Variants in PRKG1 observed in about 807,000 individuals in gnomAD.
The protein encoded by PRKG1 is protein kinase cGMP-dependent 1.
In PRKG1, 35 loss-of-function variants were observed where a neutral mutation model predicts 88.1. The observed-to-expected ratio is 0.40, with a 90% CI of 0.30 to 0.53. The LOEUF is 0.53. Among genes scored for constraint, PRKG1 ranks in the 20% least tolerant of loss-of-function variants. The probability of loss-of-function intolerance (pLI) is 0.59; values close to 1 mark genes in which losing one functional copy is unlikely to be tolerated. For missense variants in PRKG1, 540 were observed against 839.8 expected (o/e 0.64, Z 4.41); for synonymous variants, 303 against 292.5 (o/e 1.04, Z -0.37).
In PRKG1 at chr10:51,651,130, T is replaced by C. The variant is rs148633970; in HGVS notation, c.593-153455T>C. 3.5e-3 allele frequency among the ~76,000 whole-genome samples: 531 copies of C among 152,272 alleles called. 3 individuals are homozygous for C. The highest frequency in any genetic ancestry group is 0.012 in the African/African-American group (515 of 41,552). On this transcript the variant is annotated intron_variant, in intron 3 of 17. Transcript: ENST00000373980. ...AAACTAAGAATCAAACACCTCAGAATATCAATACTATACTGATTATACCAC... is the reference window on the plus strand; with the variant it reads ...AAACTAAGAATCAAACACCTCAGAACATCAATACTATACTGATTATACCAC...
intron 6 of PRKG1, among the ~76,000 whole-genome samples, chr10:52,061,625 C>T (rs1846237664): frequency 6.6e-6 from 1 of 152,088 alleles, no homozygotes; most frequent in African/African-American, 2.4e-5. Flanking sequence ...AGTAATGACA[C>T]ATTCTGTTAA....
intron 3 of PRKG1, among the ~76,000 whole-genome samples, chr10:51,481,492 G>A (rs1004320218): frequency 3.9e-5 from 6 of 151,976 alleles, no homozygotes; most frequent in Non-Finnish European, 7.4e-5. Flanking sequence ...CAGATGATCC[G>A]CCCTCCCTGG....
chr10:52,100,952 ATG>A (rs1210202387), intron 7 of PRKG1, among the ~76,000 whole-genome samples: 2 of 152,190 alleles, frequency 1.3e-5, no homozygotes, highest in Non-Finnish European at 2.9e-5. Flanking sequence ...GTTGCCCAGA[ATG>A]TGTTCATTAG....
At chr10:51,960,828 T>C (rs1190174610) in intron 5 of PRKG1, among the ~76,000 whole-genome samples, 2 of 152,182 alleles carry the variant, frequency 1.3e-5, no homozygotes, top group African/African-American at 4.8e-5. Flanking sequence ...AGTTCGTGGT[T>C]CTGCCAACAA....
chr10:52,143,358 G>A (rs898065362), intron 8 of PRKG1, among the ~76,000 whole-genome samples: 2 of 152,106 alleles, frequency 1.3e-5, no homozygotes, highest in Non-Finnish European at 1.5e-5. Context: ...TACAAAGTAG[G>A]ATGTTTGGCA....
At chr10:51,195,883 G>A (rs1473361334) in intron 2 of PRKG1, among the ~76,000 whole-genome samples, 1 of 152,128 alleles carries the variant, frequency 6.6e-6, no homozygotes, top group African/African-American at 2.4e-5. Context: ...GATATGAGCT[G>A]GAGATTCCAG....
rs57320165 is a variant in PRKG1 at position 51,899,671 on chromosome 10, GTATATATA to G, written c.699-7819_699-7812del. ...AGAGTCTGTCAAAAAAAAGAAAAATGTATATATATATATATATATATATACAAATTTCT... is the reference window on the plus strand; with the variant it reads ...AGAGTCTGTCAAAAAAAAGAAAAATGTATATATATATATATACAAATTTCT... On this transcript the variant is annotated intron_variant, in intron 4 of 17. Transcript: ENST00000373980. Among the ~76,000 whole-genome samples, 15 of 120,394 alleles carry G rather than the reference GTATATATA, an allele frequency of 1.2e-4. 2 individuals are homozygous for G. The South Asian group carries it at 1.3e-3, about 11-fold the overall frequency. The allele number at this position is 120,394 out of a possible 152,430, so 79.0% of individuals were successfully genotyped here. A position where few individuals can be genotyped will look rare whatever the true frequency, so the allele number is the denominator to read the frequency against.
At chr10:51,570,764 A>T (rs1837732092) in intron 3 of PRKG1, among the ~76,000 whole-genome samples, 1 of 151,904 alleles carries the variant, frequency 6.6e-6, no homozygotes, top group East Asian at 1.9e-4. Flanking sequence ...ATTGATGTAT[A>T]GGGTGTGAAA....
chr10:51,491,122 A>G, intron 3 of PRKG1, among the ~76,000 whole-genome samples: 1 of 152,038 alleles, frequency 6.6e-6, no homozygotes, highest in East Asian at 1.9e-4. Context: ...GATATGTATA[A>G]TAGGGTCATT....
In PRKG1 at chr10:52,231,731, G is replaced by A. The variant is rs963128449; in HGVS notation, c.1077-19839G>A. ...AAATGTATTTCCTAAACGCACATGA[G>A]AATATATGTTAGCAGCCTGAAACCT... On this transcript the variant is annotated intron_variant, in intron 9 of 17. Transcript: ENST00000373980. Among the ~76,000 whole-genome samples, 4 of 152,148 alleles carry A rather than the reference G, an allele frequency of 2.6e-5. No homozygotes were observed. In the East Asian group the frequency reaches 5.8e-4, roughly 22 times the overall value.
At chr10:51,088,372 T>A (rs945916791) in intron 1 of PRKG1, among the ~76,000 whole-genome samples, 1 of 149,634 alleles carries the variant, frequency 6.7e-6, no homozygotes, top group African/African-American at 2.5e-5. Context: ...TTAATAAAAA[T>A]TTCTATGGAT....
intron 3 of PRKG1, among the ~76,000 whole-genome samples, chr10:51,753,642 G>T (rs779780626): frequency 7.2e-5 from 11 of 152,140 alleles, no homozygotes; most frequent in Non-Finnish European, 1.5e-4. Flanking sequence ...CTTGTTCATA[G>T]TAAGCCTTTA....
chr10:51,354,098 T>C (rs531533685), intron 2 of PRKG1, among the ~76,000 whole-genome samples: 3 of 151,870 alleles, frequency 2.0e-5, no homozygotes, highest in South Asian at 2.1e-4. Context: ...AATATCAAAA[T>C]ATCCAAACTA....
intron 3 of PRKG1, among the ~76,000 whole-genome samples, chr10:51,650,956 G>A (rs544237629): frequency 6.6e-5 from 10 of 152,228 alleles, no homozygotes; most frequent in African/African-American, 2.2e-4. Flanking sequence ...TCTCAACTGG[G>A]GGCGATTGTA....
intron 2 of PRKG1, among the ~76,000 whole-genome samples, chr10:51,257,767 C>T (rs778123091): frequency 6.6e-6 from 1 of 152,108 alleles, no homozygotes; most frequent in Non-Finnish European, 1.5e-5. Flanking sequence ...TTCCACCATT[C>T]CTGAACCATT....
chr10:51,920,624 G>T (rs1026588671), intron 5 of PRKG1, among the ~76,000 whole-genome samples: 2 of 151,982 alleles, frequency 1.3e-5, no homozygotes, highest in African/African-American at 4.8e-5. Flanking sequence ...TAATGCCTGG[G>T]TTTGAATATT....
At chr10:51,130,262 C>T (rs990546759) in intron 1 of PRKG1, among the ~76,000 whole-genome samples, 8 of 152,112 alleles carry the variant, frequency 5.3e-5, no homozygotes, top group Non-Finnish European at 1.0e-4. Context: ...ATTTTCCCAG[C>T]CTCTATTCTC....
At chr10:51,098,904 G>A (rs2131877690) in intron 1 of PRKG1, among the ~76,000 whole-genome samples, 1 of 152,260 alleles carries the variant, frequency 6.6e-6, no homozygotes, top group East Asian at 1.9e-4. Context: ...AAGAAAAACT[G>A]GAAGCATTTA....
intron 5 of PRKG1, among the ~76,000 whole-genome samples, chr10:51,919,672 C>T (rs1454617039): frequency 6.9e-6 from 1 of 145,390 alleles, no homozygotes; most frequent in Non-Finnish European, 1.5e-5. Context: ...GAACAGCCCC[C>T]CACCTTTTTT....
Sources: gnomAD v4.1 joint callset for allele counts (sites outside exome capture counted in the v4.1 genomes callset) on GRCh38, gnomAD v4.1.1 for gene constraint, MANE v1.5 for transcripts, NCBI Gene and HGNC (gene_info 2026-07-23, HGNC 2026-07-21) for gene names.